The following STPG2 variants were observed in gnomAD, a reference collection of about 807,000 sequenced individuals.
STPG2 encodes sperm tail PG-rich repeat containing 2, also known as sperm-tail PG-rich repeat-containing protein 2.
STPG2 carries 56 observed loss-of-function variants against 54.2 expected under a neutral mutation model. The observed-to-expected ratio is 1.03, with a 90% CI of 0.83 to 1.29. STPG2 has a LOEUF of 1.29. STPG2 is among the 50% of genes most tolerant of loss of function. The probability of loss-of-function intolerance (pLI) is 0.00; values close to 1 mark genes in which losing one functional copy is unlikely to be tolerated. For missense variants in STPG2, 596 were observed against 544.9 expected (o/e 1.09, Z -0.93); for synonymous variants, 200 against 181.8 (o/e 1.10, Z -0.81).
chr4:97,988,065 CAT>C (rs1363728066), intron 5 of STPG2, among the ~76,000 whole-genome samples: 19 of 144,560 alleles, frequency 1.3e-4, no homozygotes, highest in Middle Eastern at 3.6e-3. Flanking sequence ...CACACACACA[CAT>C]ATTACCTCTC....
chr4:97,688,790 T>C (rs891516820), intron 10 of STPG2, among the ~76,000 whole-genome samples: 2 of 152,112 alleles, frequency 1.3e-5, no homozygotes, highest in African/African-American at 2.4e-5. Flanking sequence ...AGATTAACTA[T>C]TACAGGATAA....
At chr4:98,055,866 G>A (rs1212350447) in intron 5 of STPG2, among the ~76,000 whole-genome samples, 1 of 152,114 alleles carries the variant, frequency 6.6e-6, no homozygotes, top group Admixed American at 6.5e-5. Context: ...TGTTAACAGG[G>A]CAGTTTTGAA....
At chr4:97,664,877 G>A (rs549005901) in intron 10 of STPG2, among the ~76,000 whole-genome samples, 1 of 151,982 alleles carries the variant, frequency 6.6e-6, no homozygotes, top group African/African-American at 2.4e-5. Context: ...TCCCATGCCT[G>A]CCAAGGGCAA....
intron 7 of STPG2, among the ~76,000 whole-genome samples, chr4:97,968,506 T>A (rs1734200045): frequency 6.6e-6 from 1 of 152,080 alleles, no homozygotes; most frequent in African/African-American, 2.4e-5. Context: ...TAGACCAATA[T>A]CCCTGATGAA....
chr4:98,142,059 C>G (rs890808203), intron 1 of STPG2, among the ~76,000 whole-genome samples: 1 of 151,556 alleles, frequency 6.6e-6, no homozygotes, highest in African/African-American at 2.4e-5. Flanking sequence ...CACAGGGGGT[C>G]ATTGTTAGCC....
intron 9 of STPG2, among the ~76,000 whole-genome samples, chr4:97,817,976 A>T (rs1474783956): frequency 2.0e-5 from 3 of 151,884 alleles, no homozygotes; most frequent in African/African-American, 7.2e-5. Context: ...TTCCGTAAAA[A>T]GTAGCCCATG....
At chr4:97,869,269 T>C (rs1242319418) in intron 8 of STPG2, among the ~76,000 whole-genome samples, 3 of 151,702 alleles carry the variant, frequency 2.0e-5, no homozygotes, top group African/African-American at 4.8e-5. Context: ...AAACTAAAAT[T>C]AGCTCTAAAA....
intron 4 of STPG2, among the ~76,000 whole-genome samples, chr4:97,540,885 T>C (rs1321977155): frequency 1.3e-5 from 2 of 152,160 alleles, no homozygotes; most frequent in African/African-American, 2.4e-5. Flanking sequence ...ATTATCTCAA[T>C]AGATGCAGAA....
At chr4:97,502,419 A>G (rs1730745398) in intron 4 of STPG2, among the ~76,000 whole-genome samples, 2 of 152,024 alleles carry the variant, frequency 1.3e-5, no homozygotes, top group African/African-American at 4.8e-5. Flanking sequence ...CAATTTTCTG[A>G]TGGGGAAAAC....
At chr4:98,088,320 C>T (rs1408503008) in intron 5 of STPG2, among the ~76,000 whole-genome samples, 6 of 152,122 alleles carry the variant, frequency 3.9e-5, no homozygotes, top group Admixed American at 1.3e-4. Context: ...CACATATATG[C>T]TCTTTTTAAA....
chr4:97,836,492 C>CA (rs1302569506), intron 9 of STPG2, among the ~76,000 whole-genome samples: 1 of 151,616 alleles, frequency 6.6e-6, no homozygotes, highest in Non-Finnish European at 1.5e-5. Context: ...ACTGGGAAAT[C>CA]AAAAAAACTC....
intron 9 of STPG2, among the ~76,000 whole-genome samples, chr4:97,784,687 C>G (rs1488778974): frequency 7.0e-6 from 1 of 143,674 alleles, no homozygotes; most frequent in African/African-American, 2.6e-5. Flanking sequence ...ATACATGTTG[C>G]TTAATATTAC....
At chr4:98,040,579 T>C (rs1441406981) in intron 5 of STPG2, among the ~76,000 whole-genome samples, 3 of 151,946 alleles carry the variant, frequency 2.0e-5, no homozygotes. Flanking sequence ...TAAGGACCTT[T>C]TCCCTATATA....
At chr4:97,625,548 C>T (rs139920680) in intron 10 of STPG2, among the ~76,000 whole-genome samples, 7,227 of 152,170 alleles carry the variant, frequency 0.047, 280 homozygotes, top group Admixed American at 0.13. Context: ...CTCCTGACCT[C>T]GGGATCCGCC....
chr4:98,016,296 G>C (rs1224862438), intron 5 of STPG2, among the ~76,000 whole-genome samples: 1 of 152,138 alleles, frequency 6.6e-6, no homozygotes, highest in Admixed American at 6.6e-5. Context: ...CATGGATCTG[G>C]ATGTTTGTGT....
chr4:97,450,612 T>C lies in STPG2; in HGVS notation c.462+262087A>G, dbSNP rs557991500. Among the ~76,000 whole-genome samples, 5 of 152,112 alleles carry C rather than the reference T, an allele frequency of 3.3e-5. No individual in the cohort carries two copies. In the South Asian group the frequency reaches 6.2e-4, roughly 19 times the overall value. On this transcript the variant is annotated intron_variant, in intron 4 of 4. Coordinates refer to the STPG2 transcript ENST00000522676. ...AGGGGAGGCACTCCAGACTCAAAGA[T>C]CAACACAGGCAAAGATCCTGTAGCA...
At chr4:97,754,026 C>G (rs1403849770) in intron 9 of STPG2, among the ~76,000 whole-genome samples, 1 of 152,014 alleles carries the variant, frequency 6.6e-6, no homozygotes, top group Non-Finnish European at 1.5e-5. Flanking sequence ...GATGTCATAT[C>G]CATGCAATCA....
chr4:98,109,425 C>T (rs1739282678), intron 3 of STPG2, 120 bp from the exon 4 acceptor site: 2 of 686,380 alleles, frequency 2.9e-6, no homozygotes, highest in Non-Finnish European at 4.9e-6. Flanking sequence ...AAGGGGGTTC[C>T]ACTGGTAAAT....
chr4:97,570,982 A>G (rs1379625529), intron 10 of STPG2, among the ~76,000 whole-genome samples: 1 of 152,134 alleles, frequency 6.6e-6, no homozygotes, highest in Admixed American at 6.6e-5. Context: ...TGCAGAACTT[A>G]ATCTCAACTG....
Sources: allele counts gnomAD v4.1 joint callset (sites outside exome capture counted in the v4.1 genomes callset), GRCh38; gene constraint gnomAD v4.1.1; transcripts MANE v1.5; gene names NCBI Gene and HGNC (gene_info 2026-07-23, HGNC 2026-07-21).